Variants in ITPKB observed in about 807,000 individuals in gnomAD.
ITPKB encodes inositol-trisphosphate 3-kinase B, also known as IP3 3-kinase B.
Under a neutral mutation model 69.4 loss-of-function variants are expected in ITPKB, and 13 were observed. The ratio of observed to expected loss-of-function variants is 0.19; its 90% CI spans 0.12 to 0.30. ITPKB has a LOEUF of 0.30. ITPKB is among the 10% of genes least tolerant of loss of function. ITPKB has a pLI of 1.00. For synonymous variants in ITPKB, 584 were observed against 513.7 expected, an observed-to-expected ratio of 1.14 and a Z score of -1.85; for missense variants, 1,240 against 1,250.5, an observed-to-expected ratio of 0.99 and a Z score of 0.13.
chr1:226,662,946 C>T (rs1036122372), intron 2 of ITPKB, among the ~76,000 whole-genome samples: 2 of 152,212 alleles, frequency 1.3e-5, no homozygotes, highest in African/African-American at 4.8e-5. Context: ...CCCAGCTTCC[C>T]TCTCCTGACC....
intron 2 of ITPKB, among the ~76,000 whole-genome samples, chr1:226,670,436 T>C (rs1669592293): frequency 6.6e-6 from 1 of 152,180 alleles, no homozygotes; most frequent in African/African-American, 2.4e-5. Context: ...AGATGTTAAT[T>C]ATGCCATTGT....
At chr1:226,685,689 G>A (rs913714611) in intron 2 of ITPKB, among the ~76,000 whole-genome samples, 1 of 152,204 alleles carries the variant, frequency 6.6e-6, no homozygotes, top group Non-Finnish European at 1.5e-5. Flanking sequence ...ACGTCCTCAA[G>A]GGCAGGCACC....
intron 2 of ITPKB, among the ~76,000 whole-genome samples, chr1:226,711,768 C>T (rs1001812764): frequency 7.9e-5 from 12 of 152,100 alleles, no homozygotes; most frequent in African/African-American, 2.9e-4. Context: ...AGGGTGTCTG[C>T]TCATACTTAG....
At position 226,731,736 on chromosome 1, in the gene ITPKB, G is replaced by A. The variant is rs140718368; in HGVS notation, c.1932+3791C>T. On this transcript the variant is annotated intron_variant, in intron 2 of 7. Coordinates refer to ENST00000429204, the MANE Select transcript of ITPKB (RefSeq NM_002221.4). ...ACCCAGAACCCAAAATAAATGACTC[G>A]GGGTCCTCCCAGATCTCAAAGCTGC... Among the ~76,000 whole-genome samples the A allele has an allele frequency of 2.3e-3, 344 of 152,064 alleles. 5 individuals carry two copies. Among genetic ancestry groups the A allele is most frequent in the African/African-American group, 7.6e-3 (316 of 41,454 alleles).
At chr1:226,663,584 C>T (rs1324195051) in intron 2 of ITPKB, among the ~76,000 whole-genome samples, 1 of 152,088 alleles carries the variant, frequency 6.6e-6, no homozygotes, top group Non-Finnish European at 1.5e-5. Context: ...AATCACGGCT[C>T]ACCTACAGCC....
chr1:226,731,729 A>G lies in ITPKB; in HGVS notation c.1932+3798T>C, dbSNP rs147995036. Reference sequence around the variant, plus strand: ...CAGTCATACCCAGAACCCAAAATAAATGACTCGGGGTCCTCCCAGATCTCA... The same window carrying G: ...CAGTCATACCCAGAACCCAAAATAAGTGACTCGGGGTCCTCCCAGATCTCA... On this transcript the variant is annotated intron_variant, in intron 2 of 7. Transcript: ENST00000429204. Among the ~76,000 whole-genome samples, 1,462 of 152,200 alleles carry G rather than the reference A, an allele frequency of 9.6e-3. 20 individuals carry two copies. The highest frequency in any genetic ancestry group is 0.013 in the Non-Finnish European group (912 of 68,000).
intron 2 of ITPKB, among the ~76,000 whole-genome samples, chr1:226,708,084 G>A (rs1171598192): frequency 6.6e-6 from 1 of 152,168 alleles, no homozygotes; most frequent in East Asian, 1.9e-4. Context: ...GTTGATTACT[G>A]TATGAAATGA....
chr1:226,713,850 A>C (rs1156284639), intron 2 of ITPKB, among the ~76,000 whole-genome samples: 1 of 152,184 alleles, frequency 6.6e-6, no homozygotes, highest in Admixed American at 6.5e-5. Flanking sequence ...TACCACATCC[A>C]GGCTATATTG....
intron 2 of ITPKB, among the ~76,000 whole-genome samples, chr1:226,725,434 C>T (rs1029793249): frequency 6.6e-6 from 1 of 152,210 alleles, no homozygotes; most frequent in African/African-American, 2.4e-5. Flanking sequence ...GAAGAGGCAC[C>T]CAGTATATAT....
rs773178904 is a variant in ITPKB at position 226,735,552 on chromosome 1, G to A, written c.1907C>T (p.Thr636Ile). 5 of 1,541,254 alleles carry A rather than the reference G, an allele frequency of 3.2e-6. No individual in the cohort carries two copies. Among genetic ancestry groups the A allele is most frequent in the Non-Finnish European group, 4.4e-6 (5 of 1,143,098 alleles). The stretch of plus-strand genomic sequence containing the variant: ...CACTCTAGGTTTCTGCTGGTCCAGG[G>A]TATGCAGGAAGGCTGAGTTGGGGTC... ...TLDPNSAFLH[T>I]LDQQKPRVSK... The change falls in exon 2 of 8, where the codon ACC becomes ATC. Residue 636 changes from threonine (T) to isoleucine (I), a missense_variant. Physicochemically the swap from Thr to Ile is moderately conservative, Grantham distance 89 (BLOSUM62 -1). Around this residue, in one of 2 missense-constraint regions of ITPKB, gnomAD observed 992 missense variants for 853.8 expected, o/e 1.16. Transcript: ENST00000429204.
chr1:226,686,780 G>A (rs1342121404), intron 2 of ITPKB, among the ~76,000 whole-genome samples: 1 of 152,252 alleles, frequency 6.6e-6, no homozygotes, highest in African/African-American at 2.4e-5. Flanking sequence ...GTGTGTGTCC[G>A]TTTTTCCTAA....
In ITPKB at chr1:226,661,359, C is replaced by T. The variant is rs1311886766; in HGVS notation, c.1933-12588G>A. On this transcript the variant is annotated intron_variant, in intron 2 of 7. Coordinates refer to ENST00000429204, the MANE Select transcript of ITPKB (RefSeq NM_002221.4). ...GTGTGTGTGATAAGAGTCTCTCAAC[C>T]CATCACAGAGGTGCTGTCACTGTCC... 2.0e-5 allele frequency among the ~76,000 whole-genome samples: 3 copies of T among 152,244 alleles called. No individual in the cohort carries two copies. In the East Asian group the frequency reaches 5.8e-4, roughly 29 times the overall value.
chr1:226,702,224 C>T (rs773078490), intron 2 of ITPKB, among the ~76,000 whole-genome samples: 4 of 152,016 alleles, frequency 2.6e-5, no homozygotes, highest in African/African-American at 7.3e-5. Flanking sequence ...GGCAAAACCC[C>T]GTCTCTACTA....
At chr1:226,636,208 A>T (rs898841761) in intron 7 of ITPKB, among the ~76,000 whole-genome samples, 1 of 152,184 alleles carries the variant, frequency 6.6e-6, no homozygotes, top group Non-Finnish European at 1.5e-5. Flanking sequence ...CAGCACCCCC[A>T]TCGTCCAGAG....
chr1:226,674,559 T>C lies in ITPKB; in HGVS notation c.1933-25788A>G, dbSNP rs575846377. Among the ~76,000 whole-genome samples the C allele has an allele frequency of 1.7e-3, 256 of 152,160 alleles. 2 individuals carry two copies. The highest frequency in any genetic ancestry group is 6.0e-3 in the African/African-American group (249 of 41,518). On this transcript the variant is annotated intron_variant, in intron 2 of 7. Transcript: ENST00000429204. ...ATGTTGGCCAGGCTGGTCTCGAACT[T>C]CTGACCTCAGGTGATCTGCCCGCCT... is the stretch of plus-strand genomic sequence containing the variant.
intron 2 of ITPKB, among the ~76,000 whole-genome samples, 155 bp from the exon 3 acceptor site, chr1:226,648,926 C>T (rs568463680): frequency 3.3e-5 from 5 of 152,292 alleles, no homozygotes; most frequent in African/African-American, 4.8e-5. Flanking sequence ...ATCACCTATG[C>T]GGCACATGGT....
chr1:226,681,022 T>C lies in ITPKB; in HGVS notation c.1933-32251A>G, dbSNP rs192110435. On this transcript the variant is annotated intron_variant, in intron 2 of 7. Coordinates refer to ENST00000429204, the MANE Select transcript of ITPKB (RefSeq NM_002221.4). ...TGCCCTGACAAGACTTTGAGATGCA[T>C]GCTCTCTGAAACTCCCCTCCCCTCA... 4.9e-4 allele frequency among the ~76,000 whole-genome samples: 75 copies of C among 152,322 alleles called. 1 individual carries two copies. The highest frequency in any genetic ancestry group is 4.6e-3 in the Admixed American group (71 of 15,302).
chr1:226,697,828 G>A (rs1237847547), intron 2 of ITPKB, among the ~76,000 whole-genome samples: 6 of 152,208 alleles, frequency 3.9e-5, no homozygotes, highest in African/African-American at 1.4e-4. Context: ...ACAGTTCTGT[G>A]GCCTGCCCTG....
Position 226,642,621 on chromosome 1 carries a change from G to A in ITPKB, c.2247-496C>T, listed in dbSNP as rs1668984537. Among the ~76,000 whole-genome samples the A allele has an allele frequency of 6.6e-6, 1 of 152,054 alleles. No individual in the cohort carries two copies. The highest frequency in any genetic ancestry group is 2.1e-4 in the South Asian group (1 of 4,824). On this transcript the variant is annotated intron_variant, in intron 4 of 7. Coordinates refer to ENST00000429204, the MANE Select transcript of ITPKB (RefSeq NM_002221.4). This position sits in a 1 kb window ranked among gnomAD's most constrained non-coding sequence, Gnocchi z 6.4. ...AACCAGCAGAAGAAGGAAGACGGAG[G>A]CAGGGCAGCAGGGGGTGTCGGGGGT...
Sources: gnomAD v4.1 joint callset for allele counts (sites outside exome capture counted in the v4.1 genomes callset) on GRCh38, gnomAD v4.1.1 for gene constraint, gnomAD v4.1.1 regional missense constraint, Gnocchi (gnomAD v3.1) non-coding constraint, MANE v1.5 for transcripts, NCBI Gene and HGNC (gene_info 2026-07-23, HGNC 2026-07-21) for gene names.